TANC1: variants seen among roughly 807,000 people sequenced by gnomAD.
The protein encoded by TANC1 is tetratricopeptide repeat, ankyrin repeat and coiled-coil containing 1, also known as protein TANC1.
TANC1 carries 77 observed loss-of-function variants against 149.7 expected under a neutral mutation model. The ratio of observed to expected loss-of-function variants is 0.51; its 90% confidence interval spans 0.43 to 0.62. The LOEUF (loss-of-function observed/expected upper bound fraction) is 0.62. TANC1 is among the 20% of genes least tolerant of loss of function. The pLI is 0.00. For missense variants in TANC1, 1,985 were observed against 2,321.8 expected, an observed-to-expected ratio of 0.85 and a Z score of 2.98; for synonymous variants, 854 against 925.0, an observed-to-expected ratio of 0.92 and a Z score of 1.39.
chr2:159,159,706 G>GTA (rs2053817343), intron 7 of TANC1, among the ~76,000 whole-genome samples: 1 of 63,480 alleles, frequency 1.6e-5, no homozygotes, highest in African/African-American at 6.0e-5. Context: ...GTGTGTGTGT[G>GTA]TGTGTGTGTG....
At chr2:158,980,107 G>A (rs1350112229) in intron 1 of TANC1, among the ~76,000 whole-genome samples, 2 of 152,136 alleles carry the variant, frequency 1.3e-5, no homozygotes, top group East Asian at 1.9e-4. Context: ...GTGTTACGCA[G>A]GGAAAAAAGT....
intron 7 of TANC1, among the ~76,000 whole-genome samples, chr2:159,151,286 C>T (rs1179977403): frequency 6.6e-6 from 1 of 152,228 alleles, no homozygotes; most frequent in Non-Finnish European, 1.5e-5. Flanking sequence ...TATATGCCAT[C>T]CCAGACAGAC....
At chr2:159,014,527 C>T (rs1475172858) in intron 2 of TANC1, among the ~76,000 whole-genome samples, 2 of 152,184 alleles carry the variant, frequency 1.3e-5, no homozygotes, top group Non-Finnish European at 2.9e-5. Context: ...CATGTCCTCA[C>T]ATTTCAAACC....
chr2:158,970,111 G>C (rs2032622936), intron 1 of TANC1, among the ~76,000 whole-genome samples: 2 of 146,354 alleles, frequency 1.4e-5, no homozygotes, highest in Admixed American at 7.1e-5. Context: ...GGAAATGCCA[G>C]ACACACCAGA....
At chr2:159,114,445 C>G (rs2048039102) in intron 4 of TANC1, among the ~76,000 whole-genome samples, 2 of 152,128 alleles carry the variant, frequency 1.3e-5, no homozygotes, top group Non-Finnish European at 2.9e-5. Context: ...GGTATTTTAA[C>G]AGGCAAGCAG....
At chr2:159,175,784 A>G (rs549369799) in intron 12 of TANC1, among the ~76,000 whole-genome samples, 40 of 152,360 alleles carry the variant, frequency 2.6e-4, no homozygotes, top group African/African-American at 9.1e-4. Flanking sequence ...CAGATATGTC[A>G]TCATTTCTTC....
intron 3 of TANC1, among the ~76,000 whole-genome samples, chr2:159,072,292 TAGG>T (rs1276546053): frequency 2.0e-5 from 3 of 152,352 alleles, no homozygotes; most frequent in Non-Finnish European, 4.4e-5. Flanking sequence ...TGATTTTTAA[TAGG>T]AGCAGGAATG....
At chr2:158,996,856 T>G (rs945923948) in intron 1 of TANC1, among the ~76,000 whole-genome samples, 4 of 152,278 alleles carry the variant, frequency 2.6e-5, no homozygotes, top group Non-Finnish European at 5.9e-5. Context: ...AGACTTTAAT[T>G]ATTTAGATAA....
intron 4 of TANC1, among the ~76,000 whole-genome samples, chr2:159,125,880 G>T (rs1267995970): frequency 6.6e-6 from 1 of 152,148 alleles, no homozygotes; most frequent in Non-Finnish European, 1.5e-5. Flanking sequence ...GAGCTGTTGA[G>T]CCCGGCCTAG....
intron 4 of TANC1, among the ~76,000 whole-genome samples, chr2:159,120,921 C>A (rs264593): frequency 6.6e-6 from 1 of 151,902 alleles, no homozygotes; most frequent in African/African-American, 2.4e-5. Context: ...CTTTTACTTA[C>A]GGCAGTTGAG....
chr2:159,062,269 CACACACAT>C (rs2042289817), intron 2 of TANC1, among the ~76,000 whole-genome samples: 1 of 152,056 alleles, frequency 6.6e-6, no homozygotes, highest in Non-Finnish European at 1.5e-5. Flanking sequence ...AAACAAAAAC[CACACACAT>C]ACACATATAG....
intron 1 of TANC1, among the ~76,000 whole-genome samples, chr2:158,998,125 G>T (rs2036300891): frequency 6.6e-6 from 1 of 152,070 alleles, no homozygotes; most frequent in South Asian, 2.1e-4. Context: ...TTAGCTGGGT[G>T]TGGTGGTGTG....
At chr2:159,040,518 A>C (rs913591098) in intron 2 of TANC1, among the ~76,000 whole-genome samples, 1 of 152,210 alleles carries the variant, frequency 6.6e-6, no homozygotes, top group East Asian at 1.9e-4. Context: ...TTGATCTTCA[A>C]TCACTGATTC....
At chr2:159,140,730 G>A in intron 5 of TANC1, among the ~76,000 whole-genome samples, 1 of 99,096 alleles carries the variant, frequency 1.0e-5, no homozygotes, top group African/African-American at 3.9e-5. Flanking sequence ...CATTCTTGTT[G>A]CCCAGACTGG....
intron 2 of TANC1, among the ~76,000 whole-genome samples, chr2:159,022,126 A>G (rs1357689247): frequency 2.6e-5 from 4 of 152,178 alleles, no homozygotes; most frequent in Admixed American, 6.5e-5. Flanking sequence ...GGTGGTATTC[A>G]TGTTTTTATC....
chr2:159,094,509 C>T (rs754429669), intron 3 of TANC1, among the ~76,000 whole-genome samples: 12 of 152,174 alleles, frequency 7.9e-5, no homozygotes, highest in Non-Finnish European at 1.0e-4. Flanking sequence ...ACAAGTTTGT[C>T]GGGTCAGAGG....
chr2:159,007,940 T>A (rs2037381157), intron 2 of TANC1, among the ~76,000 whole-genome samples: 2 of 152,216 alleles, frequency 1.3e-5, no homozygotes, highest in Non-Finnish European at 2.9e-5. Flanking sequence ...TGTGGAATAT[T>A]TGCTGGTACA....
intron 1 of TANC1, among the ~76,000 whole-genome samples, chr2:158,981,135 T>C (rs2034264078): frequency 6.6e-6 from 1 of 152,070 alleles, no homozygotes. Context: ...ACCCCCTCTA[T>C]GATTTGAGAA....
chr2:159,118,624 C>T (rs1277537310), intron 4 of TANC1, among the ~76,000 whole-genome samples: 1 of 152,160 alleles, frequency 6.6e-6, no homozygotes, highest in East Asian at 1.9e-4. Flanking sequence ...TCAATATAGA[C>T]TGTTAGCCAT....
Sources: allele counts gnomAD v4.1 joint callset (sites outside exome capture counted in the v4.1 genomes callset), GRCh38; gene constraint gnomAD v4.1.1; transcripts MANE v1.5; gene names NCBI Gene and HGNC (gene_info 2026-07-23, HGNC 2026-07-21).